Variants in SYCP1 observed in about 807,000 individuals in gnomAD.
SYCP1 encodes the protein cancer/testis antigen 8.
In SYCP1, 64 loss-of-function variants were observed where a neutral mutation model predicts 153.1. The observed-to-expected ratio is 0.42, with a 90% CI of 0.34 to 0.51. SYCP1 has a LOEUF of 0.51. Among genes scored for constraint, SYCP1 ranks in the 20% least tolerant of loss-of-function variants. SYCP1 has a pLI of 0.06. For synonymous variants in SYCP1, 384 were observed against 341.8 expected (o/e 1.12, Z -1.36); for missense variants, 997 against 1,049.0 (o/e 0.95, Z 0.68).
intron 8 of SYCP1, among the ~76,000 whole-genome samples, chr1:114,866,418 A>C (rs1263714857): frequency 6.6e-6 from 1 of 151,978 alleles, no homozygotes; most frequent in Non-Finnish European, 1.5e-5. Flanking sequence ...TCTAAATTGC[A>C]TTTCTCTGAT....
intron 27 of SYCP1, among the ~76,000 whole-genome samples, chr1:114,950,836 GA>G (rs1671054538): frequency 1.1e-5 from 1 of 87,406 alleles, no homozygotes; most frequent in Non-Finnish European, 2.5e-5. Context: ...TTTTTTTTTT[GA>G]GACAGAGTCT....
chr1:114,957,765 G>C (rs1671532878), intron 27 of SYCP1, among the ~76,000 whole-genome samples: 2 of 152,218 alleles, frequency 1.3e-5, no homozygotes, highest in South Asian at 4.2e-4. Flanking sequence ...GATGGCTGTT[G>C]CTAAAAGTCA....
chr1:114,932,922 T>A (rs554063636), intron 23 of SYCP1, among the ~76,000 whole-genome samples: 1 of 152,308 alleles, frequency 6.6e-6, no homozygotes, highest in South Asian at 2.1e-4. Context: ...TGGAACCCAC[T>A]ACAGCTCAAG....
At chr1:114,923,725 T>C in intron 21 of SYCP1, 195 bp downstream of exon 21, 2 of 393,688 alleles carry the variant, frequency 5.1e-6, no homozygotes, top group East Asian at 1.2e-4. Context: ...CTAGAAGAAA[T>C]AGTGGCATAA....
At chr1:114,962,064 G>T (rs963063318) in intron 27 of SYCP1, among the ~76,000 whole-genome samples, 1 of 146,726 alleles carries the variant, frequency 6.8e-6, no homozygotes, top group Non-Finnish European at 1.5e-5. Flanking sequence ...TAAAACCTTC[G>T]CCTCCCAGGT....
At chr1:114,876,613 C>A in intron 10 of SYCP1, 124 bp from the exon 11 acceptor site, 1 of 423,530 alleles carries the variant, frequency 2.4e-6, no homozygotes, top group Non-Finnish European at 4.0e-6. Flanking sequence ...TCATTACAAA[C>A]TTTTAGAGTT....
At chr1:114,937,781 C>G (rs1272828557) in intron 23 of SYCP1, among the ~76,000 whole-genome samples, 1 of 152,126 alleles carries the variant, frequency 6.6e-6, no homozygotes, top group Non-Finnish European at 1.5e-5. Flanking sequence ...ATGCAGCCAA[C>G]AGACACATGA....
chr1:114,977,412 T>C (rs2101934382), intron 27 of SYCP1, 145 bp from the exon 28 acceptor site: 1 of 500,386 alleles, frequency 2.0e-6, no homozygotes, highest in South Asian at 3.4e-5. Context: ...GAACTAACTT[T>C]TCTTTTTTTT....
intron 30 of SYCP1, among the ~76,000 whole-genome samples, chr1:114,991,547 A>G (rs905569425): frequency 1.3e-5 from 2 of 151,892 alleles, no homozygotes; most frequent in African/African-American, 4.8e-5. Flanking sequence ...GAGCAAAGGA[A>G]AAAATAGCCA....
intron 27 of SYCP1, among the ~76,000 whole-genome samples, chr1:114,966,028 A>G (rs1672106397): frequency 6.6e-6 from 1 of 151,874 alleles, no homozygotes; most frequent in Non-Finnish European, 1.5e-5. Context: ...AGAGCTTGTT[A>G]TTGGTCTATT....
In SYCP1 at chr1:114,876,132, T is replaced by G. The variant is rs897822671; in HGVS notation, c.721T>G (p.Phe241Val). Residue 241 changes from phenylalanine to valine, a missense_variant, in exon 10 of 32, where the codon TTT (phenylalanine) becomes GTT (valine). Around this residue, in one of 2 missense-constraint regions of SYCP1, gnomAD observed 285 missense variants for 366.1 expected, o/e 0.78. Transcript: ENST00000369522. ...QAENSRLEMH[F>V]KLKEDYEKIQ... ...TGAGAATTCCAGACTGGAAATGCAT[T>G]TTAAGTGTAGGTATAGGGATCTTAC... The G allele has an allele frequency of 1.3e-6, 2 of 1,584,684 alleles. No individual in the cohort carries two copies. The highest frequency in any genetic ancestry group is 1.4e-5 in the African/African-American group (1 of 74,054).
intron 23 of SYCP1, among the ~76,000 whole-genome samples, chr1:114,938,503 G>A (rs545859315): frequency 8.6e-5 from 13 of 151,686 alleles, no homozygotes; most frequent in Admixed American, 2.0e-4. Flanking sequence ...TGTATGTAAC[G>A]AACCTGCACA....
chr1:114,961,564 A>T (rs1393032736), intron 27 of SYCP1, among the ~76,000 whole-genome samples: 1 of 152,216 alleles, frequency 6.6e-6, no homozygotes, highest in Non-Finnish European at 1.5e-5. Flanking sequence ...AGTTGAAAGA[A>T]TTTAAGAATT....
chr1:114,927,311 A>G lies in SYCP1; in HGVS notation c.1926+748A>G, dbSNP rs576812498. Among the ~76,000 whole-genome samples the G allele has an allele frequency of 1.5e-4, 23 of 152,288 alleles. No individual in the cohort carries two copies. The South Asian group carries it at 1.9e-3, about 12-fold the overall frequency. On this transcript the variant is annotated intron_variant, in intron 23 of 31. Coordinates refer to ENST00000369522, the MANE Select transcript of SYCP1 (RefSeq NM_003176.4). ...CTAGGTAGAGTAAGGAGAAAGGTACAAAAATATTCACAGCAACATTCTTTG... is the reference window on the plus strand; with the variant it reads ...CTAGGTAGAGTAAGGAGAAAGGTACGAAAATATTCACAGCAACATTCTTTG...
intron 20 of SYCP1, among the ~76,000 whole-genome samples, chr1:114,920,491 G>T (rs990886627): frequency 6.6e-6 from 1 of 152,082 alleles, no homozygotes; most frequent in Non-Finnish European, 1.5e-5. Flanking sequence ...TATATATTAG[G>T]TTCATTTGGT....
chr1:114,936,720 T>C (rs1432308329), intron 23 of SYCP1, among the ~76,000 whole-genome samples: 2 of 152,072 alleles, frequency 1.3e-5, no homozygotes, highest in Non-Finnish European at 2.9e-5. Flanking sequence ...GAATACAAAA[T>C]CAATGTGCAA....
intron 20 of SYCP1, among the ~76,000 whole-genome samples, chr1:114,920,614 C>T (rs989031597): frequency 6.6e-5 from 10 of 152,102 alleles, no homozygotes; most frequent in Admixed American, 6.6e-4. Flanking sequence ...GAACCTATCT[C>T]TCTTTAGCTC....
chr1:114,918,034 G>A (rs1370357411), intron 20 of SYCP1, among the ~76,000 whole-genome samples: 2 of 151,708 alleles, frequency 1.3e-5, no homozygotes, highest in African/African-American at 2.4e-5. Flanking sequence ...TGTAATTGTG[G>A]GATATTACTC....
intron 23 of SYCP1, among the ~76,000 whole-genome samples, chr1:114,941,454 T>C (rs1670381719): frequency 6.6e-6 from 1 of 152,140 alleles, no homozygotes; most frequent in South Asian, 2.1e-4. Context: ...TTATCCTCTA[T>C]CTTTATGTTT....
Sources: gnomAD v4.1 joint callset for allele counts (sites outside exome capture counted in the v4.1 genomes callset) on GRCh38, gnomAD v4.1.1 for gene constraint, gnomAD v4.1.1 regional missense constraint, MANE v1.5 for transcripts, NCBI Gene and HGNC (gene_info 2026-07-23, HGNC 2026-07-21) for gene names.